Variants in RAD51B observed in about 807,000 individuals in gnomAD.
RAD51B encodes RAD51 paralog B.
A neutral mutation model predicts 42.2 loss-of-function variants in RAD51B; 38 were observed. The observed-to-expected ratio is 0.90, with a 90% confidence interval of 0.70 to 1.18. RAD51B has a LOEUF of 1.18. Ranked by LOEUF, RAD51B falls within the 50% of genes most tolerant of loss-of-function variation. The probability of loss-of-function intolerance (pLI) is 0.00; values close to 1 mark genes in which losing one functional copy is unlikely to be tolerated. For synonymous variants in RAD51B, 154 were observed against 145.2 expected (o/e 1.06, Z -0.43); for missense variants, 373 against 400.7 (o/e 0.93, Z 0.59).
intron 8 of RAD51B, among the ~76,000 whole-genome samples, chr14:68,303,437 T>A: frequency 1.5e-5 from 2 of 135,420 alleles, no homozygotes; most frequent in Non-Finnish European, 3.1e-5. Flanking sequence ...TGCACATGTA[T>A]CCCAGAATAT....
chr14:68,348,544 G>A (rs1028577), intron 8 of RAD51B, among the ~76,000 whole-genome samples: 73,468 of 152,136 alleles, frequency 0.48, 20,963 homozygotes, highest in South Asian at 0.64. Flanking sequence ...AACTCACTTG[G>A]GAGCTCATAG....
At chr14:68,366,267 T>C (rs1566836125) in intron 8 of RAD51B, among the ~76,000 whole-genome samples, 2 of 152,172 alleles carry the variant, frequency 1.3e-5, no homozygotes, top group East Asian at 1.9e-4. Context: ...AAACATACCA[T>C]AGACAAATAG....
chr14:68,486,402 A>G (rs902306353), intron 10 of RAD51B, among the ~76,000 whole-genome samples: 1 of 152,108 alleles, frequency 6.6e-6, no homozygotes. Flanking sequence ...AGAAACCTAT[A>G]TGGGGTTTGT....
intron 7 of RAD51B, among the ~76,000 whole-genome samples, chr14:68,020,695 C>T (rs1427914467): frequency 6.6e-6 from 1 of 152,002 alleles, no homozygotes; most frequent in African/African-American, 2.4e-5. Context: ...TTGCGCAAGA[C>T]TGTGAATATA....
At position 68,510,596 on chromosome 14, in the gene RAD51B, TC is replaced by T. The variant is rs1202398681; in HGVS notation, c.1036+42347del. Among the ~76,000 whole-genome samples, 8 of 152,212 alleles carry T rather than the reference TC, an allele frequency of 5.3e-5. No individual in the cohort carries two copies. The East Asian group carries it at 1.3e-3, about 26-fold the overall frequency. On this transcript the variant is annotated intron_variant, in intron 10 of 10. Coordinates refer to the RAD51B transcript ENST00000487270. ...AGTGGTTATTTTGGAAAAGAGAATT[TC>T]AGTGGCGCGTCAAAATCCTTTCATC...
chr14:68,358,039 A>C lies in RAD51B; in HGVS notation c.854-53385A>C, dbSNP rs544263540. Among the ~76,000 whole-genome samples the C allele has an allele frequency of 2.0e-5, 3 of 152,326 alleles. No individual in the cohort carries two copies. The East Asian group carries it at 5.8e-4, about 29-fold the overall frequency. On this transcript the variant is annotated intron_variant, in intron 8 of 10. Transcript: ENST00000471583. ...AAATAGAGAGGCCTGAGAAGAGGAA[A>C]AGATGGGGAAGGGCTGGTTGTTGGA...
chr14:68,336,989 A>G (rs1348450741), intron 8 of RAD51B, among the ~76,000 whole-genome samples: 1 of 152,234 alleles, frequency 6.6e-6, no homozygotes, highest in Non-Finnish European at 1.5e-5. Flanking sequence ...TACCTCAGAA[A>G]AGTTCCATGT....
intron 7 of RAD51B, among the ~76,000 whole-genome samples, chr14:67,976,465 TTTA>T (rs1224648751): frequency 2.6e-5 from 4 of 151,252 alleles, no homozygotes; most frequent in Admixed American, 6.6e-5. Context: ...TTTATATATT[TTTA>T]TTATTATTAT....
intron 8 of RAD51B, among the ~76,000 whole-genome samples, chr14:68,311,489 A>C (rs1478526690): frequency 1.3e-5 from 2 of 152,154 alleles, no homozygotes; most frequent in Non-Finnish European, 2.9e-5. Context: ...TCAGCTCAAG[A>C]TCACCTTTTT....
At chr14:68,316,138 G>A (rs1360305990) in intron 8 of RAD51B, among the ~76,000 whole-genome samples, 1 of 152,186 alleles carries the variant, frequency 6.6e-6, no homozygotes, top group Non-Finnish European at 1.5e-5. Flanking sequence ...ACTTAAATGG[G>A]TTACAAGAAA....
chr14:67,850,056 G>A (rs781599169), intron 4 of RAD51B, among the ~76,000 whole-genome samples: 2 of 152,094 alleles, frequency 1.3e-5, no homozygotes, highest in Non-Finnish European at 2.9e-5. Flanking sequence ...CTGAAGTACA[G>A]TGAATCATGT....
At chr14:68,573,317 G>A (rs137946752) in intron 10 of RAD51B, among the ~76,000 whole-genome samples, 93 of 152,010 alleles carry the variant, frequency 6.1e-4, no homozygotes, top group Non-Finnish European at 9.0e-4. Context: ...TCCTCCACTC[G>A]GCTGCACTGG....
At chr14:68,067,931 CAAAAAAAAAAAAAA>C (rs913150528) in intron 7 of RAD51B, among the ~76,000 whole-genome samples, 50 of 24,690 alleles carry the variant, frequency 2.0e-3, no homozygotes, top group Admixed American at 0.015. Flanking sequence ...GACTCCATCT[CAAAAAAAAAAAAAA>C]AAAAAAAAAA....
At chr14:68,136,361 C>CTT (rs377306818) in intron 7 of RAD51B, among the ~76,000 whole-genome samples, 86,277 of 127,148 alleles carry the variant, frequency 0.68, 32,575 homozygotes, top group East Asian at 0.89. Flanking sequence ...GGGTGGATCA[C>CTT]GAGGTCAAGA....
At chr14:68,643,188 G>C (rs1018766074) in intron 10 of RAD51B, among the ~76,000 whole-genome samples, 1 of 151,264 alleles carries the variant, frequency 6.6e-6, no homozygotes, top group Non-Finnish European at 1.5e-5. Flanking sequence ...TGGACACTCT[G>C]TTGTTAGGTG....
In RAD51B at chr14:68,230,872, C is replaced by A. The variant is rs375995492; in HGVS notation, c.757-61012C>A. 3.9e-4 allele frequency among the ~76,000 whole-genome samples: 60 copies of A among 152,242 alleles called. 3 individuals carry two copies. The highest frequency in any genetic ancestry group is 3.1e-3 in the East Asian group (16 of 5,186). ...TGGAGTAGAATAAATTTAAAAAATTCTTTGATGTGAGAAAAATTACTATCA... is the reference window on the plus strand; with the variant it reads ...TGGAGTAGAATAAATTTAAAAAATTATTTGATGTGAGAAAAATTACTATCA... On this transcript the variant is annotated intron_variant, in intron 7 of 10. Transcript: ENST00000471583.
intron 7 of RAD51B, among the ~76,000 whole-genome samples, chr14:68,017,926 G>A (rs1256428352): frequency 2.6e-5 from 4 of 152,038 alleles, no homozygotes; most frequent in African/African-American, 9.7e-5. Flanking sequence ...AGCTGAGATC[G>A]TGTCACTGTA....
chr14:67,885,221 C>T (rs2043027925), intron 5 of RAD51B, among the ~76,000 whole-genome samples: 1 of 152,100 alleles, frequency 6.6e-6, no homozygotes, highest in Non-Finnish European at 1.5e-5. Flanking sequence ...CTTTCCATAT[C>T]TTATAATATG....
intron 10 of RAD51B, among the ~76,000 whole-genome samples, chr14:68,471,212 G>A (rs895259386): frequency 9.9e-5 from 15 of 152,144 alleles, no homozygotes; most frequent in Admixed American, 7.8e-4. Flanking sequence ...CTAGAAGGGA[G>A]GCCGCCAGCC....
Sources: allele counts gnomAD v4.1 joint callset (sites outside exome capture counted in the v4.1 genomes callset), GRCh38; gene constraint gnomAD v4.1.1; transcripts MANE v1.5; gene names NCBI Gene and HGNC (gene_info 2026-07-23, HGNC 2026-07-21).